PPM1F: variants seen among roughly 807,000 people sequenced by gnomAD.
PPM1F encodes protein phosphatase 1F.
A neutral mutation model predicts 35.5 loss-of-function variants in PPM1F; 17 were observed. That is an observed-to-expected ratio of 0.48 (90% CI 0.33 to 0.72). The LOEUF is 0.72. PPM1F is among the 30% of genes least tolerant of loss of function. The probability of loss-of-function intolerance (pLI) is 0.02; values close to 1 mark genes in which losing one functional copy is unlikely to be tolerated. For synonymous variants in PPM1F, 241 were observed against 255.5 expected (o/e 0.94, Z 0.54); for missense variants, 521 against 613.0 (o/e 0.85, Z 1.59).
chr22:21,922,704 CAA>C lies in PPM1F; in HGVS notation c.*386_*387del. ...GCTGGGCCTGACCCAGGGGGTGCTT[CAA>C]GAGTTTGGCTCCTGGGTCCGCCCCA... On this transcript the variant is annotated 3_prime_UTR_variant, in exon 8 of 8. Transcript: ENST00000263212. The C allele has an allele frequency of 5.7e-6, 1 of 174,112 alleles. No homozygotes were observed. The highest frequency in any genetic ancestry group is 1.2e-5 in the Non-Finnish European group (1 of 83,166). The allele number at this position is 174,112 out of a possible 1,614,324, so 10.8% of individuals were successfully genotyped here.
At chr22:21,931,351 C>T (rs75327317) in intron 5 of PPM1F, 60 bp from the exon 6 acceptor site, 41 of 1,538,936 alleles carry the variant, frequency 2.7e-5, no homozygotes, top group Admixed American at 5.3e-5. Flanking sequence ...GAGGATGACA[C>T]GGGGCAGGAT....
At position 21,922,954 on chromosome 22, in the gene PPM1F, G is replaced by C; in HGVS notation, c.*138C>G. 2.5e-6 allele frequency: 3 copies of C among 1,187,644 alleles called. No homozygotes were observed. Among genetic ancestry groups the C allele is most frequent in the Non-Finnish European group, 2.4e-6 (2 of 845,036 alleles). 73.6% of individuals were successfully genotyped at this position (1,187,644 alleles called of 1,614,324 possible). A position where few individuals can be genotyped will look rare whatever the true frequency, so the allele number is the denominator to read the frequency against. ...CAGGACGGGCTGCGGGGGGTGTCCC[G>C]ACTGGCTCTGGGGTGCTGGGGAAAG... On this transcript the variant is annotated 3_prime_UTR_variant, in exon 8 of 8. Coordinates refer to ENST00000263212, the MANE Select transcript of PPM1F (RefSeq NM_014634.4).
intron 2 of PPM1F, chr22:21,942,380 C>T: frequency 1.3e-5 from 2 of 152,238 alleles, no homozygotes; most frequent in Non-Finnish European, 1.5e-5. Flanking sequence ...AAGTGATTCT[C>T]CTGCCTCAGC....
chr22:21,930,997 C>A (rs2070582064), intron 6 of PPM1F, 151 bp downstream of exon 6: 5 of 1,321,936 alleles, frequency 3.8e-6, no homozygotes, highest in Non-Finnish European at 5.1e-6. Flanking sequence ...CGTGGGACCC[C>A]CGGCCACTCA....
intron 3 of PPM1F, chr22:21,938,710 G>C: frequency 1.7e-6 from 1 of 597,460 alleles, no homozygotes; most frequent in Non-Finnish European, 2.1e-6. Flanking sequence ...TGGGTGGGAC[G>C]TTGCTACCCC....
rs1227120857 is a variant in PPM1F at position 21,945,880 on chromosome 22, C to T, written c.169G>A (p.Glu57Lys). ...TVLSQEEVEG[E>K]LAELAMGFLG... ...AAGCCCATGGCCAGCTCAGCCAGCT[C>T]GCCCTCCACCTCCTCCTGGCTGAGC... Residue 57 changes from glutamate to lysine, a missense_variant, in exon 2 of 8, where the codon GAG becomes AAG. Physicochemically the swap from Glu to Lys is moderately conservative, Grantham distance 56 (BLOSUM62 1). This residue lies in a region of PPM1F where 311 missense variants were observed against 351.5 expected (regional missense o/e 0.88). Transcript: ENST00000263212. The T allele has an allele frequency of 1.2e-6, 2 of 1,611,988 alleles. No individual in the cohort carries two copies. The highest frequency in any genetic ancestry group is 1.7e-5 in the Admixed American group (1 of 59,950).
intron 7 of PPM1F, among the ~76,000 whole-genome samples, chr22:21,924,196 TG>T (rs1393920761): frequency 5.9e-5 from 9 of 151,404 alleles, no homozygotes; most frequent in Non-Finnish European, 8.8e-5. Flanking sequence ...GAAGGAGGTG[TG>T]GTCACAGTGC....
Position 21,939,821 on chromosome 22 carries a change from G to T in PPM1F, c.207-141C>A. The T allele has an allele frequency of 1.0e-6, 1 of 956,652 alleles. No homozygotes were observed. 59.3% of individuals were successfully genotyped at this position (956,652 alleles called of 1,614,324 possible). A position where few individuals can be genotyped will look rare whatever the true frequency, so the allele number is the denominator to read the frequency against. On this transcript the variant is annotated intron_variant, in intron 2 of 7. Transcript: ENST00000263212. This position sits in a 1 kb window ranked among gnomAD's most constrained non-coding sequence, Gnocchi z 5.1. ...GTCCTCAGGGAGCTGGGACAGGAAGGTCACAGGACAGCAAAGGCAGACGCA... is the reference window on the plus strand; with the variant it reads ...GTCCTCAGGGAGCTGGGACAGGAAGTTCACAGGACAGCAAAGGCAGACGCA...
At chr22:21,933,658 G>C in intron 4 of PPM1F, 79 bp from the exon 5 acceptor site, 1 of 1,327,144 alleles carries the variant, frequency 7.5e-7, no homozygotes, top group Non-Finnish European at 1.1e-6. Context: ...GGCACTGATG[G>C]GGTAGAGTCT....
At chr22:21,938,177 T>C (rs1259238543) in intron 3 of PPM1F, 5 of 1,303,398 alleles carry the variant, frequency 3.8e-6, no homozygotes, top group Non-Finnish European at 5.1e-6. Context: ...ACTGGGCTGG[T>C]GCCGGCGCAG....
chr22:21,921,800 T>C lies in PPM1F; in HGVS notation c.*1292A>G, dbSNP rs2070450820. 6.6e-6 allele frequency: 1 copy of C among 152,200 alleles called. No homozygotes were observed. The highest frequency in any genetic ancestry group is 1.5e-5 in the Non-Finnish European group (1 of 68,038). 9.4% of individuals were successfully genotyped at this position (152,200 alleles called of 1,614,324 possible). A position where few individuals can be genotyped will look rare whatever the true frequency, so the allele number is the denominator to read the frequency against. On this transcript the variant is annotated 3_prime_UTR_variant, in exon 8 of 8. Transcript: ENST00000263212. ...AATTTGATTACAAATTCACAAGATA[T>C]TTGGGAATGTTCCAATCACACAGCA...
intron 5 of PPM1F, 132 bp from the exon 6 acceptor site, chr22:21,931,423 T>C (rs1316660450): frequency 7.1e-6 from 6 of 848,692 alleles, no homozygotes; most frequent in Non-Finnish European, 1.0e-5. Flanking sequence ...GGTGTATATG[T>C]GTATAAGCCA....
chr22:21,944,735 C>G (rs1353121994), intron 2 of PPM1F: 1 of 152,240 alleles, frequency 6.6e-6, no homozygotes, highest in South Asian at 2.1e-4. Context: ...CCTTCACCAT[C>G]TTTCATGGGA....
At position 21,948,785 on chromosome 22, in the gene PPM1F, G is replaced by A. The variant is rs571717074; in HGVS notation, c.-60-2677C>T. On this transcript the variant is annotated intron_variant, in intron 1 of 7. Transcript: ENST00000263212. ...CAAGTGAGAGGACAGCATGCTCCCC[G>A]CTAGAGCACACAGAGGGCCCCCCTG... The A allele has an allele frequency of 1.0e-3, 159 of 152,420 alleles. 1 individual carries two copies. The highest frequency in any genetic ancestry group is 3.7e-3 in the African/African-American group (155 of 41,574). The allele number at this position is 152,420 out of a possible 1,614,324, so 9.4% of individuals were successfully genotyped here.
chr22:21,945,823 T>C lies in PPM1F; in HGVS notation c.206+20A>G. ...GCCGTGCCCTTACTCCCCGTCCCCTTTGGGGGTGCACAGGCCTACCTGCTG... is the reference window on the plus strand; with the variant it reads ...GCCGTGCCCTTACTCCCCGTCCCCTCTGGGGGTGCACAGGCCTACCTGCTG... On this transcript the variant is annotated intron_variant, in intron 2 of 7. Coordinates refer to ENST00000263212, the MANE Select transcript of PPM1F (RefSeq NM_014634.4). 6.2e-7 allele frequency: 1 copy of C among 1,602,532 alleles called. No homozygotes were observed. The highest frequency in any genetic ancestry group is 8.5e-7 in the Non-Finnish European group (1 of 1,178,166).
chr22:21,938,614 G>A, intron 3 of PPM1F: 1 of 1,028,766 alleles, frequency 9.7e-7, no homozygotes, highest in Non-Finnish European at 1.2e-6. Context: ...GGAAGGGAAA[G>A]GAAATGGCCG....
chr22:21,950,002 G>C (rs1181721131), intron 1 of PPM1F: 1 of 152,272 alleles, frequency 6.6e-6, no homozygotes, highest in Non-Finnish European at 1.5e-5. Context: ...ACAACCTCTT[G>C]TGGTTATCCC....
At chr22:21,925,493 T>G in intron 7 of PPM1F, 76 bp downstream of exon 7, 2 of 1,297,474 alleles carry the variant, frequency 1.5e-6, no homozygotes, top group Non-Finnish European at 2.2e-6. Context: ...GAACCCCTGG[T>G]GAGCCGCGGG....
At chr22:21,928,556 C>T (rs929350531) in intron 6 of PPM1F, among the ~76,000 whole-genome samples, 6 of 152,116 alleles carry the variant, frequency 3.9e-5, no homozygotes, top group Non-Finnish European at 8.8e-5. Flanking sequence ...CTCCCCTGCC[C>T]CGAGTCTTCT....
Sources: allele counts gnomAD v4.1 joint callset (sites outside exome capture counted in the v4.1 genomes callset), GRCh38; gene constraint gnomAD v4.1.1; regional missense constraint gnomAD v4.1.1; non-coding constraint Gnocchi (gnomAD v3.1); transcripts MANE v1.5; gene names NCBI Gene and HGNC (gene_info 2026-07-23, HGNC 2026-07-21).